C2: variants seen among roughly 807,000 people sequenced by gnomAD.
C2 encodes the protein C3/C5 convertase.
Under a neutral mutation model 85.2 loss-of-function variants are expected in C2, and 64 were observed. The observed-to-expected ratio is 0.75, with a 90% CI of 0.61 to 0.92. The LOEUF is 0.92. Among genes scored for constraint, C2 ranks in the 40% least tolerant of loss-of-function variants. C2 has a pLI of 0.00. For synonymous variants in C2, 311 were observed against 370.8 expected (o/e 0.84, Z 1.85); for missense variants, 820 against 971.6 (o/e 0.84, Z 2.07).
At chr6:31,902,219 T>TAC (rs949255699) in intron 1 of C2, among the ~76,000 whole-genome samples, 20 of 148,338 alleles carry the variant, frequency 1.3e-4, no homozygotes, top group Admixed American at 1.3e-3. Flanking sequence ...AGAGCGGAAA[T>TAC]ACGTTCCACA....
rs9267752 is a variant in C2, at chr6:31,932,485, C to T, written c.443-1125C>T. ...CTCCTCACATCCCGGATGGGGCGGC[C>T]GGGCAGAGGTGCTCCCCACATCTCA... On this transcript the variant is annotated intron_variant, in intron 3 of 17. Transcript: ENST00000299367. 926 of 249,352 alleles carry T rather than the reference C, an allele frequency of 3.7e-3. 7 individuals are homozygous for T. The highest frequency in any genetic ancestry group is 0.021 in the Middle Eastern group (14 of 654). The allele number at this position is 249,352 out of a possible 1,614,324, so 15.4% of individuals were successfully genotyped here. A position where few individuals can be genotyped will look rare whatever the true frequency, so the allele number is the denominator to read the frequency against.
intron 1 of C2, among the ~76,000 whole-genome samples, chr6:31,907,380 C>T (rs934161920): frequency 6.6e-6 from 1 of 150,764 alleles, no homozygotes; most frequent in African/African-American, 2.4e-5. Flanking sequence ...GGAAGAGGAT[C>T]ACTTGAAACC....
intron 1 of C2, among the ~76,000 whole-genome samples, chr6:31,906,862 TGCAGTGGCTCAC>T (rs1447035871): frequency 6.6e-6 from 1 of 151,684 alleles, no homozygotes; most frequent in African/African-American, 2.4e-5. Context: ...TAGGGCCGGG[TGCAGTGGCTCAC>T]ACCTGTAATC....
Position 31,943,162 on chromosome 6 carries a change from T to C in C2, c.1360+63T>C. ...GTGAGGAGCCCGCCAGAGGCCCGTGTTGGGAACCTGGACACAGTGCCCCTC... is the reference window on the plus strand; with the variant it reads ...GTGAGGAGCCCGCCAGAGGCCCGTGCTGGGAACCTGGACACAGTGCCCCTC... On this transcript the variant is annotated intron_variant, in intron 10 of 17. Coordinates refer to ENST00000299367, the MANE Select transcript of C2 (RefSeq NM_000063.6). The surrounding 1 kb of genome is among the most constrained non-coding windows in gnomAD (Gnocchi z 6.4). 3 of 1,612,354 alleles carry C rather than the reference T, an allele frequency of 1.9e-6. No homozygotes were observed. Among genetic ancestry groups the C allele is most frequent in the South Asian group, 1.1e-5 (1 of 91,074 alleles).
In C2 at chr6:31,943,750, T is replaced by C; in HGVS notation, c.1674T>C (p.Tyr558=). ...AKKNQGILEF[Y]GDDIALLKLA... is the part of the protein sequence containing the mutation. Reference sequence around the variant, plus strand: ...AGAACCAGGGAATCCTGGAGTTCTATGGTGATGACATAGCTCTGCTGAAGC... The same window carrying C: ...AGAACCAGGGAATCCTGGAGTTCTACGGTGATGACATAGCTCTGCTGAAGC... The change falls in exon 13 of 18, where the codon TAT becomes TAC. Residue 558 remains tyrosine, a synonymous_variant. Transcript: ENST00000299367. The surrounding 1 kb of genome is among the most constrained non-coding windows in gnomAD (Gnocchi z 6.4). 6.2e-7 allele frequency: 1 copy of C among 1,613,084 alleles called. No homozygotes were observed. The highest frequency in any genetic ancestry group is 8.5e-7 in the Non-Finnish European group (1 of 1,180,036).
Position 31,945,502 on chromosome 6 carries a change from C to T in C2, c.*145C>T. The T allele has an allele frequency of 1.2e-6, 1 of 802,412 alleles. No homozygotes were observed. Among genetic ancestry groups the T allele is most frequent in the Non-Finnish European group, 2.1e-6 (1 of 482,316 alleles). 49.7% of individuals were successfully genotyped at this position (802,412 alleles called of 1,614,324 possible). On this transcript the variant is annotated 3_prime_UTR_variant, in exon 18 of 18. Transcript: ENST00000299367. This position sits in a 1 kb window ranked among gnomAD's most constrained non-coding sequence, Gnocchi z 5.3. ...TCTCTAGGATGCCAGAGGCAGCGCA[C>T]ACAAGCTGGGAAATCCTCAGGGCTC...
chr6:31,943,415 G>A lies in C2; in HGVS notation c.1456-1G>A. The A allele has an allele frequency of 6.2e-7, 1 of 1,612,870 alleles. No individual in the cohort carries two copies. The highest frequency in any genetic ancestry group is 8.5e-7 in the Non-Finnish European group (1 of 1,179,842). On this transcript the variant is annotated splice_acceptor_variant, in intron 11 of 17. Transcript: ENST00000299367. LOFTEE classifies it high-confidence loss of function. The surrounding 1 kb of genome is among the most constrained non-coding windows in gnomAD (Gnocchi z 6.4). The stretch of plus-strand genomic sequence containing the variant: ...TCTGAAAATCACCTGTTCCCCTGCA[G>A]CCCAAGAGCCAAGAGACCTGCCGGG...
rs753059312 is a variant in C2, at chr6:31,933,727, C to T, written c.560C>T (p.Ser187Leu). 8 of 1,613,342 alleles carry T rather than the reference C, an allele frequency of 5.0e-6. No individual in the cohort carries two copies. Among genetic ancestry groups the T allele is most frequent in the South Asian group, 2.2e-5 (2 of 91,096 alleles). The change falls in exon 4 of 18, where the codon TCG (serine) becomes TTG (leucine). Residue 187 changes from serine (S) to leucine (L), a missense_variant. By Grantham distance (145) the Ser-to-Leu change is moderately radical. Coordinates refer to ENST00000299367, the MANE Select transcript of C2 (RefSeq NM_000063.6). The stretch of plus-strand genomic sequence containing the variant: ...TCGAATCTTGTGCTCACGGGGTCTT[C>T]GGAGCGGGAGTGCCAGGGCAACGGG... ...CSSNLVLTGS[S>L]ERECQGNGVW... is the part of the protein sequence containing the mutation.
At chr6:31,926,489 C>T (rs1171766834), upstream of C2, among the ~76,000 whole-genome samples, 1 of 151,774 alleles carries the variant, frequency 6.6e-6, no homozygotes, top group Non-Finnish European at 1.5e-5. Context: ...CCTGCCACCA[C>T]ACCCGGCTAA....
chr6:31,899,837 A>ACCC, upstream of C2: 1 of 1,126,024 alleles, frequency 8.9e-7, no homozygotes. Context: ...TCTGCCCCAG[A>ACCC]CCCCCCACCC....
chr6:31,918,122 C>T (rs1367853677), upstream of C2, among the ~76,000 whole-genome samples: 1 of 151,714 alleles, frequency 6.6e-6, no homozygotes, highest in African/African-American at 2.4e-5. Context: ...TTAAAGTAAA[C>T]AATTAAAAAA....
rs761619655 is a variant in C2, at chr6:31,934,218, C to G, written c.768C>G (p.Tyr256Ter). 2 of 1,614,188 alleles carry G rather than the reference C, an allele frequency of 1.2e-6. No homozygotes were observed. Among genetic ancestry groups the G allele is most frequent in the Non-Finnish European group, 8.5e-7 (1 of 1,180,024 alleles). ...QIQRSGHLNL[Y>*]LLLDCSQSVS... ...AGCGCTCTGGTCATCTGAACCTCTA[C>G]CTGCTCCTGGACTGTTCGCAGAGTG... Residue 256 changes from tyrosine to a stop codon, truncating the protein, a stop_gained, in exon 6 of 18, where the codon TAC (tyrosine) becomes TAG (stop). Transcript: ENST00000299367. LOFTEE classifies it high-confidence loss of function.
intron 8 of C2, among the ~76,000 whole-genome samples, chr6:31,938,703 A>G (rs1444867484): frequency 6.6e-6 from 1 of 152,070 alleles, no homozygotes; most frequent in Non-Finnish European, 1.5e-5. Context: ...CTTGTTGCCC[A>G]GGCTGGAGTG....
upstream of C2, among the ~76,000 whole-genome samples, chr6:31,922,800 C>T (rs2151732938): frequency 6.6e-6 from 1 of 152,326 alleles, no homozygotes; most frequent in African/African-American, 2.4e-5. This position sits in a 1 kb window ranked among gnomAD's most constrained non-coding sequence, Gnocchi z 4.8. Context: ...CGAGATCGTA[C>T]TGCTTCACTC....
At chr6:31,914,545 C>T (rs1403069501) in intron 1 of C2, among the ~76,000 whole-genome samples, 2 of 148,184 alleles carry the variant, frequency 1.3e-5, no homozygotes, top group African/African-American at 5.0e-5. Flanking sequence ...GAGCCGAGAT[C>T]GTGCCACTGC....
upstream of C2, among the ~76,000 whole-genome samples, chr6:31,917,154 G>C (rs1477372616): frequency 6.8e-6 from 1 of 147,302 alleles, no homozygotes; most frequent in Non-Finnish European, 1.5e-5. Context: ...CTGGGTGACA[G>C]AGTGAGACTC....
At position 31,944,635 on chromosome 6, in the gene C2, C is replaced by G; in HGVS notation, c.1903-92C>G. 2 of 1,420,384 alleles carry G rather than the reference C, an allele frequency of 1.4e-6. No individual in the cohort carries two copies. Among genetic ancestry groups the G allele is most frequent in the Non-Finnish European group, 2.0e-6 (2 of 1,006,584 alleles). The allele number at this position is 1,420,384 out of a possible 1,614,324, so 88.0% of individuals were successfully genotyped here. ...ACCTCAAGTGATCTGCCTGCCTCAACCTCCCAAAGTGCTGAGATTACAGGC... is the reference window on the plus strand; with the variant it reads ...ACCTCAAGTGATCTGCCTGCCTCAAGCTCCCAAAGTGCTGAGATTACAGGC... On this transcript the variant is annotated intron_variant, in intron 15 of 17. Transcript: ENST00000299367. This position sits in a 1 kb window ranked among gnomAD's most constrained non-coding sequence, Gnocchi z 5.1.
Position 31,944,640 on chromosome 6 carries a change from C to A in C2, c.1903-87C>A. ...AAGTGATCTGCCTGCCTCAACCTCC[C>A]AAAGTGCTGAGATTACAGGCGTGAG... On this transcript the variant is annotated intron_variant, in intron 15 of 17. Coordinates refer to ENST00000299367, the MANE Select transcript of C2 (RefSeq NM_000063.6). The surrounding 1 kb of genome is among the most constrained non-coding windows in gnomAD (Gnocchi z 5.1). 1.4e-6 allele frequency: 2 copies of A among 1,473,228 alleles called. No individual in the cohort carries two copies. The highest frequency in any genetic ancestry group is 9.5e-7 in the Non-Finnish European group (1 of 1,054,570). 91.3% of individuals were successfully genotyped at this position (1,473,228 alleles called of 1,614,324 possible). A position where few individuals can be genotyped will look rare whatever the true frequency, so the allele number is the denominator to read the frequency against.
Position 31,945,007 on chromosome 6 carries a change from A to G in C2, c.2057A>G (p.Glu686Gly). The G allele has an allele frequency of 6.2e-7, 1 of 1,612,994 alleles. No individual in the cohort carries two copies. The highest frequency in any genetic ancestry group is 8.5e-7 in the Non-Finnish European group (1 of 1,180,016). The change falls in exon 17 of 18, where the codon GAG becomes GGG. Residue 686 changes from glutamate (E) to glycine (G), a missense_variant. By Grantham distance (98) the Glu-to-Gly change is moderately conservative (BLOSUM62 -2). Coordinates refer to ENST00000299367, the MANE Select transcript of C2 (RefSeq NM_000063.6). The surrounding 1 kb of genome is among the most constrained non-coding windows in gnomAD (Gnocchi z 5.3). ...KGESGGAVFL[E>G]RRFRFFQVGL... The stretch of plus-strand genomic sequence containing the variant: ...GAATCTGGGGGAGCAGTTTTCCTTG[A>G]GCGGAGATTCAGGTTTTTTCAGGTG...
Sources: allele counts gnomAD v4.1 joint callset (sites outside exome capture counted in the v4.1 genomes callset), GRCh38; gene constraint gnomAD v4.1.1; non-coding constraint Gnocchi (gnomAD v3.1); transcripts MANE v1.5; gene names NCBI Gene and HGNC (gene_info 2026-07-23, HGNC 2026-07-21).